The following USP54 variants were observed in gnomAD, a reference collection of about 807,000 sequenced individuals.
USP54 encodes ubiquitin carboxyl-terminal hydrolase 54.
USP54 carries 87 observed loss-of-function variants against 170.5 expected under a neutral mutation model. The ratio of observed to expected loss-of-function variants is 0.51; its 90% CI spans 0.43 to 0.61. USP54 has a LOEUF of 0.61. USP54 is among the 20% of genes least tolerant of loss of function. USP54 has a pLI of 0.00. For missense variants in USP54, 1,786 were observed against 2,047.8 expected, an observed-to-expected ratio of 0.87 and a Z score of 2.47; for synonymous variants, 655 against 742.8, an observed-to-expected ratio of 0.88 and a Z score of 1.92.
chr10:73,553,610 T>C (rs180728641), intron 4 of USP54, among the ~76,000 whole-genome samples: 1 of 152,198 alleles, frequency 6.6e-6, no homozygotes, highest in East Asian at 1.9e-4. Flanking sequence ...GCAGCACCAA[T>C]AAGGAACAAA....
intron 1 of USP54, among the ~76,000 whole-genome samples, chr10:73,610,420 G>C (rs758921709): frequency 2.0e-5 from 3 of 152,060 alleles, no homozygotes; most frequent in Non-Finnish European, 4.4e-5. Flanking sequence ...TCAGGAGTTT[G>C]AGACCAGCCT....
At chr10:73,512,765 A>C (rs1248768796) in intron 20 of USP54, among the ~76,000 whole-genome samples, 1 of 152,218 alleles carries the variant, frequency 6.6e-6, no homozygotes. Flanking sequence ...ACTAGACAAA[A>C]AAATTAATGG....
intron 15 of USP54, 53 bp from the exon 16 acceptor site, chr10:73,526,833 C>T: frequency 6.3e-7 from 1 of 1,581,842 alleles, no homozygotes; most frequent in African/African-American, 1.4e-5. Context: ...GTTATAGCAA[C>T]ATTCCTAGGA....
At chr10:73,547,843 A>C (rs2068217207) in intron 4 of USP54, among the ~76,000 whole-genome samples, 1 of 152,200 alleles carries the variant, frequency 6.6e-6, no homozygotes. Flanking sequence ...TGACTAAAAC[A>C]CCAAAAGCAA....
At chr10:73,556,259 AAG>A (rs2070969981) in intron 4 of USP54, among the ~76,000 whole-genome samples, 1 of 152,148 alleles carries the variant, frequency 6.6e-6, no homozygotes, top group Non-Finnish European at 1.5e-5. Context: ...GCTGTGACTA[AAG>A]AACAATGAAG....
At position 73,516,677 on chromosome 10, in the gene USP54, C is replaced by A; in HGVS notation, c.3749G>T (p.Ser1250Ile). The A allele has an allele frequency of 6.2e-7, 1 of 1,614,236 alleles. No individual in the cohort carries two copies. The highest frequency in any genetic ancestry group is 8.5e-7 in the Non-Finnish European group (1 of 1,180,054). ...VRDVRSKDLG[S>I]STDLGTSLPL... ...CAAGGAAGTCCCCAAGTCAGTACTG[C>A]TGCCCAGATCCTTAGACCTAACATC... The change falls in exon 20 of 24, where the codon AGC becomes ATC. Residue 1250 changes from serine to isoleucine, a missense_variant. By Grantham distance (142) the Ser-to-Ile change is moderately radical. This residue lies in a region of USP54 where 1,418 missense variants were observed against 1,569.0 expected (regional missense o/e 0.90). Transcript: ENST00000687698.
At position 73,505,432 on chromosome 10, in the gene USP54, G is replaced by A. The variant is rs535975655; in HGVS notation, c.4052-6C>T. On this transcript the variant is annotated splice_polypyrimidine_tract_variant and splice_region_variant and intron_variant, in intron 20 of 23. Coordinates refer to ENST00000687698, the MANE Select transcript of USP54 (RefSeq NM_001391956.1). Reference sequence around the variant, plus strand: ...CCCCATGCCATCTGCAGAGCCTGAAGAGGAAAACACAAATACAAGTTGAGG... The same window carrying A: ...CCCCATGCCATCTGCAGAGCCTGAAAAGGAAAACACAAATACAAGTTGAGG... 5.0e-6 allele frequency: 8 copies of A among 1,613,236 alleles called. No homozygotes were observed. In the South Asian group the frequency reaches 7.7e-5, roughly 16 times the overall value.
rs1055263149 is a variant in USP54 at position 73,616,544 on chromosome 10, G to A, written c.-18+9023C>T. Among the ~76,000 whole-genome samples, 31 of 149,924 alleles carry A rather than the reference G, an allele frequency of 2.1e-4. 3 individuals are homozygous for A. Among genetic ancestry groups the A allele is most frequent in the African/African-American group, 7.1e-4 (28 of 39,370 alleles). ...AGGATAAACAGCTAATGTATGCAGGGCTTAATACCTAGGTGATGAGTTAAT... is the reference window on the plus strand; with the variant it reads ...AGGATAAACAGCTAATGTATGCAGGACTTAATACCTAGGTGATGAGTTAAT... On this transcript the variant is annotated intron_variant, in intron 1 of 22. Coordinates refer to the USP54 transcript ENST00000339859.
intron 1 of USP54, among the ~76,000 whole-genome samples, chr10:73,583,430 C>G (rs981369214): frequency 6.6e-6 from 1 of 152,130 alleles, no homozygotes; most frequent in Non-Finnish European, 1.5e-5. Flanking sequence ...GGATTACAGG[C>G]GCCTGCCACC....
intron 16 of USP54, among the ~76,000 whole-genome samples, chr10:73,525,132 T>C (rs542171966): frequency 1.3e-5 from 2 of 152,284 alleles, no homozygotes; most frequent in South Asian, 2.1e-4. Context: ...TGCTTACCTA[T>C]ATATATATGT....
intron 4 of USP54, among the ~76,000 whole-genome samples, chr10:73,557,053 C>T (rs1020384043): frequency 1.3e-5 from 2 of 152,158 alleles, no homozygotes; most frequent in African/African-American, 4.8e-5. Context: ...GCCTCTAGTA[C>T]AATCCCTGGA....
At chr10:73,514,901 G>T (rs771567078) in intron 20 of USP54, among the ~76,000 whole-genome samples, 1 of 151,950 alleles carries the variant, frequency 6.6e-6, no homozygotes, top group African/African-American at 2.4e-5. Flanking sequence ...TTAGCCAGGT[G>T]TGGTGGTGGA....
chr10:73,609,478 G>A (rs949580047), intron 1 of USP54, among the ~76,000 whole-genome samples: 3 of 152,174 alleles, frequency 2.0e-5, no homozygotes, highest in African/African-American at 4.8e-5. Context: ...TTGGGAGGCC[G>A]AGGTGGGCGA....
intron 4 of USP54, among the ~76,000 whole-genome samples, chr10:73,548,352 C>T (rs552787956): frequency 2.0e-5 from 3 of 152,256 alleles, no homozygotes; most frequent in African/African-American, 7.2e-5. Context: ...ACTAGAAATA[C>T]CATTTGACCC....
At chr10:73,562,250 A>T (rs1198854523) in intron 4 of USP54, among the ~76,000 whole-genome samples, 2 of 152,226 alleles carry the variant, frequency 1.3e-5, no homozygotes, top group African/African-American at 2.4e-5. Flanking sequence ...TCACATAAAA[A>T]GAGAATAAAC....
chr10:73,545,467 G>C, intron 5 of USP54, 71 bp downstream of exon 5: 1 of 1,571,552 alleles, frequency 6.4e-7, no homozygotes, highest in Non-Finnish European at 8.7e-7. Flanking sequence ...CCACCATAAA[G>C]TAGCCAGTCC....
intron 17 of USP54, 55 bp from the exon 18 acceptor site, chr10:73,521,082 G>A: frequency 6.2e-7 from 1 of 1,606,338 alleles, no homozygotes. Context: ...ATTTTCCTGT[G>A]TACTGTTGTT....
At chr10:73,553,216 T>G (rs1209147318) in intron 4 of USP54, 1 of 152,206 alleles carries the variant, frequency 6.6e-6, no homozygotes, top group Non-Finnish European at 1.5e-5. Flanking sequence ...TTTTCTCACC[T>G]CTTAATTACA....
At chr10:73,625,222 C>T (rs1036522952) in intron 1 of USP54, among the ~76,000 whole-genome samples, 6 of 151,402 alleles carry the variant, frequency 4.0e-5, no homozygotes, top group Admixed American at 6.6e-5. Context: ...CTCCCGCCCC[C>T]CTACCCTGCG....
Sources: gnomAD v4.1 joint callset for allele counts (sites outside exome capture counted in the v4.1 genomes callset) on GRCh38, gnomAD v4.1.1 for gene constraint, gnomAD v4.1.1 regional missense constraint, MANE v1.5 for transcripts, NCBI Gene and HGNC (gene_info 2026-07-23, HGNC 2026-07-21) for gene names.